Variants in CDH3 observed in about 807,000 individuals in gnomAD.
CDH3 encodes the protein cadherin 3.
CDH3 carries 54 observed loss-of-function variants against 82.0 expected under a neutral mutation model. That is an observed-to-expected ratio of 0.66 (90% CI 0.53 to 0.83). CDH3 has a LOEUF of 0.83. Among genes scored for constraint, CDH3 ranks in the 40% least tolerant of loss-of-function variants. CDH3 has a pLI of 0.00. For synonymous variants in CDH3, 446 were observed against 437.9 expected, an observed-to-expected ratio of 1.02 and a Z score of -0.23; for missense variants, 1,054 against 1,084.6, an observed-to-expected ratio of 0.97 and a Z score of 0.40.
At chr16:68,694,900 T>C (rs975548544) in intron 13 of CDH3, among the ~76,000 whole-genome samples, 2 of 152,112 alleles carry the variant, frequency 1.3e-5, no homozygotes, top group Non-Finnish European at 1.5e-5. Context: ...GGAGGTGTTA[T>C]AAGCTGAGAG....
intron 1 of CDH3, among the ~76,000 whole-genome samples, chr16:68,721,282 G>T (rs530436406): frequency 1.5e-5 from 2 of 136,642 alleles, no homozygotes; most frequent in South Asian, 4.7e-4. Flanking sequence ...GGCCTGGGCT[G>T]GAGTGCAGTA....
intron 1 of CDH3, 55 bp from the exon 2 acceptor site, chr16:68,645,581 G>C: frequency 6.7e-7 from 1 of 1,484,488 alleles, no homozygotes; most frequent in Non-Finnish European, 9.1e-7. Flanking sequence ...TGTGGGGAGT[G>C]CAGGGCCGGG....
chr16:68,694,998 G>C lies in CDH3; in HGVS notation c.2003-257G>C, dbSNP rs116516920. 7.3e-3 allele frequency among the ~76,000 whole-genome samples: 1,106 copies of C among 152,250 alleles called. 8 individuals carry two copies. Among genetic ancestry groups the C allele is most frequent in the African/African-American group, 0.018 (732 of 41,536 alleles). On this transcript the variant is annotated intron_variant, in intron 13 of 15. Transcript: ENST00000264012. ...GGTTCTTAAGGGGAAGTTGCTGGGG[G>C]TATTCAAGGAACACAGAGGAGGCCA...
chr16:68,701,984 A>C (rs1363158760), downstream of CDH3, among the ~76,000 whole-genome samples: 3 of 151,938 alleles, frequency 2.0e-5, no homozygotes, highest in Non-Finnish European at 4.4e-5. Flanking sequence ...AGATTGTGCC[A>C]TTGCACTCCA....
chr16:68,712,060 CA>C (rs1962038737), intron 1 of CDH3, among the ~76,000 whole-genome samples: 1 of 87,404 alleles, frequency 1.1e-5, no homozygotes, highest in Non-Finnish European at 2.3e-5. Context: ...TTTTTTGAGA[CA>C]GACTCTCGCG....
chr16:68,674,226 C>CTAGT (rs1231940633), intron 2 of CDH3, among the ~76,000 whole-genome samples: 1 of 152,136 alleles, frequency 6.6e-6, no homozygotes, highest in Non-Finnish European at 1.5e-5. Flanking sequence ...TATAGCCATC[C>CTAGT]TAGTGCATGT....
At chr16:68,731,077 T>TATATATATATATAA (rs1323551115), downstream of CDH3, among the ~76,000 whole-genome samples, 1 of 113,154 alleles carries the variant, frequency 8.8e-6, no homozygotes, top group Non-Finnish European at 1.8e-5. Flanking sequence ...TATATATATA[T>TATATATATATATAA]AATTATAAAA....
At chr16:68,724,850 G>T (rs539170295) in intron 2 of CDH3, among the ~76,000 whole-genome samples, 28 of 152,252 alleles carry the variant, frequency 1.8e-4, no homozygotes, top group Non-Finnish European at 3.7e-4. Context: ...AGAGCCCTTT[G>T]TCTCCAAACA....
At chr16:68,697,486 G>A (rs559966013) in intron 15 of CDH3, among the ~76,000 whole-genome samples, 59 of 152,234 alleles carry the variant, frequency 3.9e-4, no homozygotes, top group African/African-American at 1.4e-3. Flanking sequence ...AGGATTGAAC[G>A]AGCAGGCAGC....
intron 2 of CDH3, among the ~76,000 whole-genome samples, chr16:68,673,902 A>G (rs1960960899): frequency 1.3e-5 from 2 of 152,000 alleles, no homozygotes; most frequent in East Asian, 3.9e-4. Flanking sequence ...CAAGAGAGTG[A>G]GACTCCATCT....
At chr16:68,675,578 C>T (rs1961008143) in intron 2 of CDH3, among the ~76,000 whole-genome samples, 1 of 152,044 alleles carries the variant, frequency 6.6e-6, no homozygotes, top group African/African-American at 2.4e-5. Context: ...GGGTGGATCA[C>T]AAGGTCAGGA....
chr16:68,705,514 C>T lies in CDH3; in HGVS notation c.99+9591C>T, dbSNP rs528990005. On this transcript the variant is annotated intron_variant, in intron 1 of 2. Transcript: ENST00000569080. ...TGGCTCACTGCAAACCTCCACCTCC[C>T]GAGTTCAAGTGATCCTCCTGCCTCA... 5.9e-5 allele frequency among the ~76,000 whole-genome samples: 9 copies of T among 152,096 alleles called. No homozygotes were observed. In the South Asian group the frequency reaches 6.2e-4, roughly 11 times the overall value.
chr16:68,653,682 C>T (rs5013432), intron 2 of CDH3, among the ~76,000 whole-genome samples: 34,144 of 149,584 alleles, frequency 0.23, 4,239 homozygotes, highest in African/African-American at 0.31. Context: ...CTTTTCTTTT[C>T]TTTTCTTTCT....
intron 2 of CDH3, among the ~76,000 whole-genome samples, chr16:68,657,878 C>T (rs1028735984): frequency 8.6e-5 from 13 of 152,028 alleles, no homozygotes; most frequent in African/African-American, 2.9e-4. Context: ...CTGTGTTGTA[C>T]GCTAGGAGGA....
chr16:68,693,686 G>A (rs1038441381), intron 13 of CDH3, among the ~76,000 whole-genome samples: 22 of 152,156 alleles, frequency 1.4e-4, no homozygotes, highest in Non-Finnish European at 2.4e-4. Context: ...TTCAGAACCC[G>A]TGGACTCCCA....
At chr16:68,648,372 G>T (rs1039000821) in intron 2 of CDH3, among the ~76,000 whole-genome samples, 4 of 151,866 alleles carry the variant, frequency 2.6e-5, no homozygotes, top group African/African-American at 9.7e-5. Context: ...AAACCTACAT[G>T]ACTGTGGCTT....
intron 2 of CDH3, among the ~76,000 whole-genome samples, chr16:68,659,804 CTTTT>C (rs71148930): frequency 3.8e-5 from 5 of 132,000 alleles, no homozygotes; most frequent in African/African-American, 5.5e-5. Flanking sequence ...CTTGTAGACC[CTTTT>C]TTTTTTTTTT....
intron 2 of CDH3, among the ~76,000 whole-genome samples, chr16:68,661,009 T>TC (rs1415914124): frequency 6.6e-6 from 1 of 151,876 alleles, no homozygotes; most frequent in Non-Finnish European, 1.5e-5. Context: ...AATTCATAAT[T>TC]CCCATGATTC....
intron 13 of CDH3, among the ~76,000 whole-genome samples, chr16:68,693,335 T>C (rs941130659): frequency 6.6e-6 from 1 of 151,990 alleles, no homozygotes; most frequent in African/African-American, 2.4e-5. Flanking sequence ...TAGGAGGCTG[T>C]AGCCATAATC....
Sources: allele counts gnomAD v4.1 joint callset (sites outside exome capture counted in the v4.1 genomes callset), GRCh38; gene constraint gnomAD v4.1.1; transcripts MANE v1.5; gene names NCBI Gene and HGNC (gene_info 2026-07-23, HGNC 2026-07-21).